The following EML4 variants were observed in gnomAD, a reference collection of about 807,000 sequenced individuals.
EML4 encodes the protein EMAP like 4, also known as echinoderm microtubule-associated protein-like 4.
A neutral mutation model predicts 129.0 loss-of-function variants in EML4; 72 were observed. The ratio of observed to expected loss-of-function variants is 0.56; its 90% CI spans 0.46 to 0.68. The LOEUF is 0.68. Ranked by LOEUF, EML4 falls within the 30% of genes least tolerant of loss-of-function variation. The pLI is 0.00. For synonymous variants in EML4, 532 were observed against 405.0 expected (o/e 1.31, Z -3.77); for missense variants, 1,363 against 1,190.6 (o/e 1.14, Z -2.13).
chr2:42,246,698 T>G (rs1675423180), intron 2 of EML4, among the ~76,000 whole-genome samples: 1 of 152,210 alleles, frequency 6.6e-6, no homozygotes, highest in East Asian at 1.9e-4. Context: ...AATGTTCCTC[T>G]TATGGATGAT....
intron 2 of EML4, among the ~76,000 whole-genome samples, chr2:42,254,831 T>A (rs1321370978): frequency 6.6e-6 from 1 of 152,292 alleles, no homozygotes; most frequent in African/African-American, 2.4e-5. Context: ...TGAAAAATTT[T>A]ACACAAATGT....
At chr2:42,255,416 A>C (rs900942502) in intron 2 of EML4, among the ~76,000 whole-genome samples, 1 of 152,076 alleles carries the variant, frequency 6.6e-6, no homozygotes, top group Non-Finnish European at 1.5e-5. Context: ...GGGGTGATGA[A>C]AATGTTTTGG....
rs147063985 is a variant in EML4, at chr2:42,247,666, T to G, written c.208+1979T>G. Among the ~76,000 whole-genome samples the G allele has an allele frequency of 8.0e-3, 1,212 of 151,766 alleles. 12 individuals are homozygous for G. Among genetic ancestry groups the G allele is most frequent in the African/African-American group, 0.026 (1,088 of 41,228 alleles). Reference sequence around the variant, plus strand: ...TTATATTATGCTTGCTTGCTTGATTTATTTATTTATTTATTTATTTATTTA... The same window carrying G: ...TTATATTATGCTTGCTTGCTTGATTGATTTATTTATTTATTTATTTATTTA... On this transcript the variant is annotated intron_variant, in intron 2 of 22. Coordinates refer to ENST00000318522, the MANE Select transcript of EML4 (RefSeq NM_019063.5).
chr2:42,225,666 A>G (rs1314526391), intron 1 of EML4, among the ~76,000 whole-genome samples: 2 of 152,076 alleles, frequency 1.3e-5, no homozygotes, highest in Non-Finnish European at 2.9e-5. Flanking sequence ...TGTGATTTTA[A>G]TTGGCATGTG....
At chr2:42,311,957 G>A (rs1167263175) in intron 17 of EML4, among the ~76,000 whole-genome samples, 1 of 152,092 alleles carries the variant, frequency 6.6e-6, no homozygotes, top group African/African-American at 2.4e-5. Flanking sequence ...CAATCCTCCT[G>A]CCTCGGCCTC....
intron 1 of EML4, among the ~76,000 whole-genome samples, chr2:42,195,694 G>A (rs892489134): frequency 1.3e-5 from 2 of 152,080 alleles, no homozygotes; most frequent in African/African-American, 4.8e-5. Flanking sequence ...TAGGATTTGT[G>A]CCAGCTTTTG....
In EML4 at chr2:42,317,453, C is replaced by A. The variant is rs2103794078; in HGVS notation, c.2083C>A (p.His695Asn). ...TGGTACCTTCCTGGCTGTAGGATCTCATGACAACTTTATTTACCTCTATGT... is the reference window on the plus strand; with the variant it reads ...TGGTACCTTCCTGGCTGTAGGATCTAATGACAACTTTATTTACCTCTATGT... The part of the protein sequence containing the change: ...IDGTFLAVGS[H>N]DNFIYLYVVS... The change falls in exon 19 of 23, where the codon CAT (histidine) becomes AAT (asparagine). Residue 695 changes from histidine (H) to asparagine (N), a missense_variant. Coordinates refer to ENST00000318522, the MANE Select transcript of EML4 (RefSeq NM_019063.5). The A allele has an allele frequency of 6.2e-7, 1 of 1,612,336 alleles. No individual in the cohort carries two copies.
intron 1 of EML4, among the ~76,000 whole-genome samples, chr2:42,211,423 G>T (rs1672879195): frequency 6.6e-6 from 1 of 152,192 alleles, no homozygotes; most frequent in Non-Finnish European, 1.5e-5. Flanking sequence ...ATCAGAGACT[G>T]ATTGAACATT....
intron 9 of EML4, chr2:42,286,006 T>G: frequency 2.0e-6 from 1 of 495,564 alleles, no homozygotes; most frequent in Non-Finnish European, 3.6e-6. Context: ...CTGTAGTGCA[T>G]AGGATTAAAT....
intron 2 of EML4, among the ~76,000 whole-genome samples, chr2:42,254,362 T>C (rs1028881514): frequency 1.3e-5 from 2 of 150,188 alleles, no homozygotes; most frequent in African/African-American, 4.9e-5. Flanking sequence ...GAGGCTGAGG[T>C]AGACAGATGG....
intron 1 of EML4, among the ~76,000 whole-genome samples, chr2:42,206,277 A>G (rs959687932): frequency 6.6e-6 from 1 of 152,096 alleles, no homozygotes; most frequent in Non-Finnish European, 1.5e-5. Context: ...GCAGTGGCAT[A>G]ATTGTAGCTT....
chr2:42,230,152 C>T (rs1165721878), intron 1 of EML4, among the ~76,000 whole-genome samples: 1 of 152,092 alleles, frequency 6.6e-6, no homozygotes, highest in Non-Finnish European at 1.5e-5. Flanking sequence ...CCTGTTTTAT[C>T]CTGTCTTTGC....
intron 21 of EML4, 67 bp from the exon 22 acceptor site, chr2:42,328,815 TAAAC>T: frequency 3.3e-6 from 4 of 1,212,564 alleles, no homozygotes; most frequent in South Asian, 1.7e-5. Context: ...TAAAATAAAA[TAAAC>T]ATATATAGCA....
intron 1 of EML4, among the ~76,000 whole-genome samples, chr2:42,203,066 A>G (rs1672332110): frequency 6.6e-6 from 1 of 152,228 alleles, no homozygotes; most frequent in Non-Finnish European, 1.5e-5. Flanking sequence ...ACATATTTCA[A>G]AATAGAATAG....
intron 1 of EML4, among the ~76,000 whole-genome samples, chr2:42,225,642 G>A (rs138548927): frequency 6.6e-6 from 1 of 152,238 alleles, no homozygotes; most frequent in African/African-American, 2.4e-5. Flanking sequence ...CCAAGGATGT[G>A]TGAAATAGTA....
intron 1 of EML4, among the ~76,000 whole-genome samples, chr2:42,191,356 A>G (rs1263372680): frequency 2.0e-5 from 3 of 152,152 alleles, no homozygotes; most frequent in Non-Finnish European, 2.9e-5. Flanking sequence ...GGTCATGGCT[A>G]CCGGTAGCTC....
At chr2:42,310,298 C>A (rs7604624) in intron 17 of EML4, among the ~76,000 whole-genome samples, 21,097 of 151,348 alleles carry the variant, frequency 0.14, 1,643 homozygotes, top group South Asian at 0.28. Context: ...CCTTCCCATT[C>A]CCCTTTCCCT....
intron 1 of EML4, among the ~76,000 whole-genome samples, chr2:42,241,860 G>GTT (rs1675056420): frequency 7.1e-6 from 1 of 141,844 alleles, no homozygotes; most frequent in African/African-American, 2.9e-5. Flanking sequence ...GATTGTGTGT[G>GTT]TATGTGTGTG....
chr2:42,264,105 T>TTTTTG, intron 5 of EML4, among the ~76,000 whole-genome samples: 1 of 21,128 alleles, frequency 4.7e-5, no homozygotes, highest in African/African-American at 8.9e-4. Flanking sequence ...CAATACGTGT[T>TTTTTG]TTTTTTTTTT....
Sources: allele counts gnomAD v4.1 joint callset (sites outside exome capture counted in the v4.1 genomes callset), GRCh38; gene constraint gnomAD v4.1.1; transcripts MANE v1.5; gene names NCBI Gene and HGNC (gene_info 2026-07-23, HGNC 2026-07-21).